NRXN3: variants seen among roughly 807,000 people sequenced by gnomAD.
NRXN3 encodes the protein neurexin 3.
NRXN3 carries 32 observed loss-of-function variants against 137.6 expected under a neutral mutation model. The ratio of observed to expected loss-of-function variants is 0.23; its 90% CI spans 0.18 to 0.31. NRXN3 has a LOEUF of 0.31. Among genes scored for constraint, NRXN3 ranks in the 10% least tolerant of loss-of-function variants. The pLI, the probability that NRXN3 is intolerant of heterozygous loss-of-function variation, is 1.00. For missense variants in NRXN3, 1,574 were observed against 2,062.5 expected (o/e 0.76, Z 4.59); for synonymous variants, 798 against 784.5 (o/e 1.02, Z -0.29).
At chr14:78,809,577 T>C (rs2098898046) in intron 9 of NRXN3, among the ~76,000 whole-genome samples, 1 of 152,148 alleles carries the variant, frequency 6.6e-6, no homozygotes, top group Admixed American at 6.5e-5. Context: ...AAATCTGGGA[T>C]GGGTGTTTGT....
intron 19 of NRXN3, among the ~76,000 whole-genome samples, chr14:79,701,248 T>C (rs1567937337): frequency 6.6e-6 from 1 of 152,172 alleles, no homozygotes; most frequent in East Asian, 1.9e-4. Flanking sequence ...CCCAGACAAG[T>C]CATGTAAGTT....
At chr14:78,651,943 A>G (rs2097748987) in intron 6 of NRXN3, among the ~76,000 whole-genome samples, 3 of 152,148 alleles carry the variant, frequency 2.0e-5, no homozygotes, top group Admixed American at 2.0e-4. Flanking sequence ...TCATCTAACA[A>G]ATGGAAGCTC....
intron 4 of NRXN3, among the ~76,000 whole-genome samples, chr14:78,322,926 C>T (rs2079562436): frequency 6.6e-6 from 1 of 152,030 alleles, no homozygotes; most frequent in Non-Finnish European, 1.5e-5. Flanking sequence ...CTTCCCCGCA[C>T]TATGCCTTTC....
intron 4 of NRXN3, among the ~76,000 whole-genome samples, chr14:78,428,511 A>C (rs974763040): frequency 1.3e-5 from 2 of 152,206 alleles, no homozygotes; most frequent in African/African-American, 4.8e-5. Flanking sequence ...TATGTATAAT[A>C]TGCCTCTCTC....
chr14:79,016,596 A>G (rs2099579641), intron 15 of NRXN3, among the ~76,000 whole-genome samples: 1 of 152,202 alleles, frequency 6.6e-6, no homozygotes, highest in Non-Finnish European at 1.5e-5. Flanking sequence ...CTAAATCAAT[A>G]GCTACAAGAG....
At chr14:79,431,993 T>C (rs1214586713) in intron 15 of NRXN3, among the ~76,000 whole-genome samples, 1 of 152,146 alleles carries the variant, frequency 6.6e-6, no homozygotes, top group Non-Finnish European at 1.5e-5. Flanking sequence ...ATGTAGCCAA[T>C]GTTATACTTG....
chr14:79,241,632 G>A (rs562402219), intron 15 of NRXN3, among the ~76,000 whole-genome samples: 4 of 152,272 alleles, frequency 2.6e-5, no homozygotes, highest in South Asian at 2.1e-4. Flanking sequence ...GTGAGATTTC[G>A]ATGGGGAAAC....
intron 8 of NRXN3, among the ~76,000 whole-genome samples, chr14:78,800,832 C>A (rs1273314668): frequency 3.3e-5 from 5 of 152,160 alleles, no homozygotes; most frequent in Non-Finnish European, 7.3e-5. Context: ...ACTGTTACGT[C>A]TATCACCTAG....
chr14:79,430,282 G>A (rs923371608), intron 15 of NRXN3, among the ~76,000 whole-genome samples: 16 of 152,164 alleles, frequency 1.1e-4, no homozygotes, highest in Non-Finnish European at 2.9e-5. Flanking sequence ...CTATCTTGCT[G>A]GTGAGAATTT....
intron 16 of NRXN3, among the ~76,000 whole-genome samples, chr14:79,548,733 G>A (rs2097344998): frequency 7.6e-6 from 1 of 130,776 alleles, no homozygotes; most frequent in Non-Finnish European, 1.6e-5. Flanking sequence ...TAAAGATACA[G>A]TACATTTAAA....
At chr14:78,414,825 G>A (rs184149203) in intron 4 of NRXN3, among the ~76,000 whole-genome samples, 2 of 151,978 alleles carry the variant, frequency 1.3e-5, no homozygotes, top group Admixed American at 6.6e-5. Flanking sequence ...ATCTCGGAGG[G>A]GTAGAGAATA....
At chr14:79,289,373 C>T (rs959494876) in intron 15 of NRXN3, among the ~76,000 whole-genome samples, 1 of 152,172 alleles carries the variant, frequency 6.6e-6, no homozygotes, top group Non-Finnish European at 1.5e-5. Context: ...GTAATCCCAA[C>T]ACTTGGGAGG....
At chr14:78,479,854 G>T (rs910934494) in intron 4 of NRXN3, among the ~76,000 whole-genome samples, 1 of 152,010 alleles carries the variant, frequency 6.6e-6, no homozygotes, top group Non-Finnish European at 1.5e-5. Flanking sequence ...GTCAAATTTG[G>T]GGAAATAAGG....
chr14:79,750,997 A>G (rs182499449), intron 19 of NRXN3, among the ~76,000 whole-genome samples: 36 of 152,260 alleles, frequency 2.4e-4, no homozygotes, highest in African/African-American at 8.7e-4. Flanking sequence ...TAATTGAAAC[A>G]AAGCTGTGAT....
intron 19 of NRXN3, among the ~76,000 whole-genome samples, chr14:79,799,777 T>C (rs2099171366): frequency 6.6e-6 from 1 of 152,214 alleles, no homozygotes. Context: ...ATTTCCTTCC[T>C]TCACACATTA....
chr14:78,693,400 C>CTTGTT (rs1009563691), intron 6 of NRXN3, among the ~76,000 whole-genome samples: 1 of 151,786 alleles, frequency 6.6e-6, no homozygotes, highest in African/African-American at 2.4e-5. Flanking sequence ...TCTCATAAAA[C>CTTGTT]TTGTTTTGTT....
At chr14:78,181,742 A>AC (rs2059826415) in intron 1 of NRXN3, among the ~76,000 whole-genome samples, 1 of 152,166 alleles carries the variant, frequency 6.6e-6, no homozygotes, top group South Asian at 2.1e-4. Context: ...TGAAACAGCT[A>AC]CTTTGGGGCT....
intron 8 of NRXN3, among the ~76,000 whole-genome samples, chr14:78,753,534 T>C (rs1173830924): frequency 6.6e-6 from 1 of 152,170 alleles, no homozygotes; most frequent in Non-Finnish European, 1.5e-5. Flanking sequence ...AACTTCCTAT[T>C]GCCCAGTAGC....
At chr14:79,563,855 G>A (rs1232900129) in intron 16 of NRXN3, among the ~76,000 whole-genome samples, 1 of 151,902 alleles carries the variant, frequency 6.6e-6, no homozygotes, top group Non-Finnish European at 1.5e-5. Context: ...ATTCTGACTG[G>A]AACACAGCAG....
Sources: gnomAD v4.1 joint callset for allele counts (sites outside exome capture counted in the v4.1 genomes callset) on GRCh38, gnomAD v4.1.1 for gene constraint, MANE v1.5 for transcripts, NCBI Gene and HGNC (gene_info 2026-07-23, HGNC 2026-07-21) for gene names.